The following ADGRL2 variants were observed in gnomAD, a reference collection of about 807,000 sequenced individuals.
ADGRL2 encodes adhesion G protein-coupled receptor L2, also known as calcium-independent alpha-latrotoxin receptor 2.
ADGRL2 carries 44 observed loss-of-function variants against 157.4 expected under a neutral mutation model. The ratio of observed to expected loss-of-function variants is 0.28; its 90% CI spans 0.22 to 0.36. The LOEUF (loss-of-function observed/expected upper bound fraction) is 0.36, where lower values mean the gene tolerates loss of function less well. ADGRL2 is among the 10% of genes least tolerant of loss of function. The pLI is 1.00. For synonymous variants in ADGRL2, 585 were observed against 624.7 expected (o/e 0.94, Z 0.95); for missense variants, 1,510 against 1,768.9 (o/e 0.85, Z 2.63).
chr1:81,330,783 A>G (rs2182766), intron 1 of ADGRL2, among the ~76,000 whole-genome samples: 8,116 of 152,278 alleles, frequency 0.053, 238 homozygotes, highest in Admixed American at 0.064. Flanking sequence ...GGAGGTTGAC[A>G]TCTGCACCAG....
At chr1:81,730,824 C>T (rs1217941137) in intron 1 of ADGRL2, among the ~76,000 whole-genome samples, 1 of 152,002 alleles carries the variant, frequency 6.6e-6, no homozygotes, top group Non-Finnish European at 1.5e-5. Flanking sequence ...CTTAATAATT[C>T]AGATAATTGA....
At chr1:81,436,035 C>A (rs988625016) in intron 1 of ADGRL2, among the ~76,000 whole-genome samples, 1 of 152,088 alleles carries the variant, frequency 6.6e-6, no homozygotes, top group South Asian at 2.1e-4. Context: ...GCAGATGTTG[C>A]GGTGAGCCGA....
At chr1:81,500,563 G>T (rs1557737676) in intron 2 of ADGRL2, among the ~76,000 whole-genome samples, 2 of 152,138 alleles carry the variant, frequency 1.3e-5, no homozygotes, top group Admixed American at 1.3e-4. Flanking sequence ...GACAAATACT[G>T]CAGGATCTCA....
At chr1:81,839,943 A>AAT (rs1201008806) in intron 2 of ADGRL2, among the ~76,000 whole-genome samples, 2 of 142,218 alleles carry the variant, frequency 1.4e-5, no homozygotes, top group Admixed American at 1.4e-4. Context: ...ATATATATAT[A>AAT]ATATATATAT....
intron 2 of ADGRL2, among the ~76,000 whole-genome samples, chr1:81,904,696 T>A (rs990986067): frequency 2.0e-5 from 3 of 152,074 alleles, no homozygotes; most frequent in African/African-American, 7.2e-5. Flanking sequence ...GATCACGAGG[T>A]CAAGGGTTCG....
chr1:81,675,218 C>T (rs1452945775), intron 3 of ADGRL2, among the ~76,000 whole-genome samples: 1 of 152,066 alleles, frequency 6.6e-6, no homozygotes, highest in African/African-American at 2.4e-5. Flanking sequence ...ATAATAAAAG[C>T]CTATGGTGCT....
intron 2 of ADGRL2, among the ~76,000 whole-genome samples, chr1:81,879,461 T>G (rs951174490): frequency 6.6e-6 from 1 of 152,026 alleles, no homozygotes; most frequent in Non-Finnish European, 1.5e-5. Context: ...CTTAAGCCCT[T>G]TTTTTAAAGT....
chr1:81,936,494 A>G (rs2148856730), intron 3 of ADGRL2, among the ~76,000 whole-genome samples: 1 of 151,914 alleles, frequency 6.6e-6, no homozygotes, highest in Non-Finnish European at 1.5e-5. Context: ...GTTGGCCATT[A>G]TTTTTTTACT....
At chr1:81,897,755 A>G (rs1432161871) in intron 2 of ADGRL2, among the ~76,000 whole-genome samples, 4 of 152,154 alleles carry the variant, frequency 2.6e-5, no homozygotes, top group Admixed American at 2.6e-4. Context: ...AGCTTGCATA[A>G]TTGGATTTAA....
intron 2 of ADGRL2, among the ~76,000 whole-genome samples, chr1:81,446,712 A>G (rs768554899): frequency 1.3e-5 from 2 of 152,202 alleles, no homozygotes; most frequent in Non-Finnish European, 2.9e-5. Context: ...TCTCTGACCT[A>G]GTTTTCTCAT....
chr1:81,628,373 T>C (rs2081950560), intron 3 of ADGRL2, among the ~76,000 whole-genome samples: 1 of 152,148 alleles, frequency 6.6e-6, no homozygotes. Flanking sequence ...CAGTGGATAC[T>C]TAGTAATATT....
intron 2 of ADGRL2, among the ~76,000 whole-genome samples, chr1:81,519,112 A>T (rs1198255850): frequency 6.6e-6 from 1 of 152,228 alleles, no homozygotes; most frequent in Non-Finnish European, 1.5e-5. Flanking sequence ...GGTCACATGG[A>T]TATTAACAAG....
rs901065523 is a variant in ADGRL2, at chr1:81,776,691, A to T, written c.-101+14839A>T. 2.6e-5 allele frequency among the ~76,000 whole-genome samples: 4 copies of T among 152,342 alleles called. No homozygotes were observed. The East Asian group carries it at 5.8e-4, about 22-fold the overall frequency. ...TTGGTCATCACATGTAAACATGCACATACATATACATACACAATACAACTT... is the reference window on the plus strand; with the variant it reads ...TTGGTCATCACATGTAAACATGCACTTACATATACATACACAATACAACTT... On this transcript the variant is annotated intron_variant, in intron 2 of 20. Coordinates refer to the ADGRL2 transcript ENST00000359929.
At chr1:81,643,134 T>C (rs2082252394) in intron 3 of ADGRL2, among the ~76,000 whole-genome samples, 1 of 151,952 alleles carries the variant, frequency 6.6e-6, no homozygotes, top group Non-Finnish European at 1.5e-5. Flanking sequence ...AAGGAAGAAA[T>C]AAAGCTGTCT....
intron 1 of ADGRL2, among the ~76,000 whole-genome samples, chr1:81,350,343 C>T (rs1432201728): frequency 6.6e-6 from 1 of 152,152 alleles, no homozygotes; most frequent in Non-Finnish European, 1.5e-5. Context: ...CTGCTCATAA[C>T]ACTGTAGAGT....
At chr1:81,567,988 T>A (rs953467609) in intron 2 of ADGRL2, among the ~76,000 whole-genome samples, 3 of 151,886 alleles carry the variant, frequency 2.0e-5, no homozygotes, top group Non-Finnish European at 4.4e-5. Flanking sequence ...ACTGTAATAC[T>A]TTTTTTTAAG....
At chr1:81,587,440 A>T (rs2081049976) in intron 3 of ADGRL2, among the ~76,000 whole-genome samples, 1 of 152,094 alleles carries the variant, frequency 6.6e-6, no homozygotes, top group Non-Finnish European at 1.5e-5. Flanking sequence ...AAAAGGAAGA[A>T]GTGGCCATTC....
chr1:81,466,239 C>G (rs186327274), intron 2 of ADGRL2, among the ~76,000 whole-genome samples: 421 of 152,266 alleles, frequency 2.8e-3, no homozygotes, highest in Non-Finnish European at 4.1e-3. Flanking sequence ...AGATGCATTA[C>G]GTGGCAATTC....
chr1:81,423,966 T>C (rs2077169368), intron 1 of ADGRL2, among the ~76,000 whole-genome samples: 1 of 152,248 alleles, frequency 6.6e-6, no homozygotes, highest in Admixed American at 6.5e-5. Context: ...TATCAGGCTT[T>C]CTATATAGTT....
Sources: gnomAD v4.1 joint callset for allele counts (sites outside exome capture counted in the v4.1 genomes callset) on GRCh38, gnomAD v4.1.1 for gene constraint, MANE v1.5 for transcripts, NCBI Gene and HGNC (gene_info 2026-07-23, HGNC 2026-07-21) for gene names.